CSPP1: variants seen among roughly 807,000 people sequenced by gnomAD.
The protein encoded by CSPP1 is centrosome and spindle pole-associated protein 1.
In CSPP1, 126 loss-of-function variants were observed where a neutral mutation model predicts 164.4. That is an observed-to-expected ratio of 0.77 (90% confidence interval 0.66 to 0.89). The LOEUF (loss-of-function observed/expected upper bound fraction) is 0.89. Among genes scored for constraint, CSPP1 ranks in the 40% least tolerant of loss-of-function variants. The pLI, the probability that CSPP1 is intolerant of heterozygous loss-of-function variation, is 0.00. For synonymous variants in CSPP1, 472 were observed against 476.7 expected (o/e 0.99, Z 0.13); for missense variants, 1,395 against 1,449.8 (o/e 0.96, Z 0.61).
rs532465312 is a variant in CSPP1, at chr8:67,149,081, A to T, written c.1976-702A>T. Among the ~76,000 whole-genome samples the T allele has an allele frequency of 3.9e-5, 6 of 152,158 alleles. No homozygotes were observed. The East Asian group carries it at 9.7e-4, about 25-fold the overall frequency. ...AGGCTTGATGGGGACTGTAAGATTCATTTTCAATATGGCTCCCTCACATGG... is the reference window on the plus strand; with the variant it reads ...AGGCTTGATGGGGACTGTAAGATTCTTTTTCAATATGGCTCCCTCACATGG... On this transcript the variant is annotated intron_variant, in intron 17 of 30. Coordinates refer to ENST00000678616, the MANE Select transcript of CSPP1 (RefSeq NM_001382391.1).
At chr8:67,123,963 G>T (rs1387903829) in intron 15 of CSPP1, among the ~76,000 whole-genome samples, 3 of 144,622 alleles carry the variant, frequency 2.1e-5, no homozygotes, top group African/African-American at 7.8e-5. Flanking sequence ...GCAGTGGTGC[G>T]ATCTCGGCTC....
At chr8:67,188,411 C>T (rs930432306) in intron 28 of CSPP1, among the ~76,000 whole-genome samples, 1 of 152,042 alleles carries the variant, frequency 6.6e-6, no homozygotes, top group Non-Finnish European at 1.5e-5. Flanking sequence ...GTAAAGAGGG[C>T]TCACTAAAAT....
chr8:67,193,541 A>G lies in CSPP1; in HGVS notation c.3408A>G (p.Arg1136=). The part of the protein sequence containing the change: ...SISSVNVDEL[R]VRNEERMRRL... ...CCAGTGTAAATGTTGATGAGCTTAGAGTGAGAAATGAGGAACGAATGCGAA... is the reference window on the plus strand; with the variant it reads ...CCAGTGTAAATGTTGATGAGCTTAGGGTGAGAAATGAGGAACGAATGCGAA... Residue 1136 remains arginine, a synonymous_variant, in exon 30 of 31, where the codon AGA becomes AGG. Transcript: ENST00000678616. The G allele has an allele frequency of 1.2e-6, 2 of 1,613,644 alleles. No individual in the cohort carries two copies. The highest frequency in any genetic ancestry group is 1.7e-6 in the Non-Finnish European group (2 of 1,179,514).
At position 67,115,766 on chromosome 8, in the gene CSPP1, A is replaced by G. The variant is rs1480996052; in HGVS notation, c.1288-148A>G. On this transcript the variant is annotated intron_variant, in intron 12 of 30. Coordinates refer to ENST00000678616, the MANE Select transcript of CSPP1 (RefSeq NM_001382391.1). ...TTATTCAGTAAATAAATAAATAAAA[A>G]TAGATATTCAGAGTCTTTTATAGCT... The G allele has an allele frequency of 1.6e-5, 9 of 557,764 alleles. No homozygotes were observed. The East Asian group carries it at 2.5e-4, about 16-fold the overall frequency. The allele number at this position is 557,764 out of a possible 1,614,324, so 34.6% of individuals were successfully genotyped here. A position where few individuals can be genotyped will look rare whatever the true frequency, so the allele number is the denominator to read the frequency against.
chr8:67,078,796 C>T (rs1808505259), intron 3 of CSPP1, among the ~76,000 whole-genome samples: 1 of 152,094 alleles, frequency 6.6e-6, no homozygotes, highest in Non-Finnish European at 1.5e-5. Flanking sequence ...CATGGTAAAA[C>T]CCCATCTCTA....
intron 8 of CSPP1, among the ~76,000 whole-genome samples, chr8:67,104,449 T>C (rs1296246421): frequency 6.6e-6 from 1 of 151,832 alleles, no homozygotes; most frequent in Non-Finnish European, 1.5e-5. Context: ...AAAATTTTTT[T>C]GTAGAGTCAG....
chr8:67,077,233 TA>T (rs1808130999), intron 3 of CSPP1, among the ~76,000 whole-genome samples: 1 of 151,886 alleles, frequency 6.6e-6, no homozygotes, highest in Non-Finnish European at 1.5e-5. Flanking sequence ...AGTTCAGTGT[TA>T]TCTTGAACTC....
At chr8:67,193,666 A>G (rs1167318452) in intron 30 of CSPP1, 64 bp downstream of exon 30, 4 of 1,437,784 alleles carry the variant, frequency 2.8e-6, no homozygotes, top group East Asian at 2.3e-5. Flanking sequence ...TTTCTTACTC[A>G]AGGCTTTCAC....
intron 4 of CSPP1, among the ~76,000 whole-genome samples, chr8:67,088,266 G>A (rs1810819617): frequency 6.6e-6 from 1 of 151,888 alleles, no homozygotes; most frequent in Non-Finnish European, 1.5e-5. Flanking sequence ...ATGTGAAGGA[G>A]TTTTTTAAGA....
intron 28 of CSPP1, among the ~76,000 whole-genome samples, chr8:67,186,890 A>G (rs1834750132): frequency 6.6e-6 from 1 of 152,198 alleles, no homozygotes; most frequent in African/African-American, 2.4e-5. Context: ...TACAAGTGAA[A>G]TTTGAAATTA....
In CSPP1 at chr8:67,077,170, G is replaced by GTC. The variant is rs141841739; in HGVS notation, c.199+607_199+608dup. On this transcript the variant is annotated intron_variant, in intron 3 of 30. Coordinates refer to ENST00000678616, the MANE Select transcript of CSPP1 (RefSeq NM_001382391.1). ...TTTTTGTTTATTTATTAAAGACAGG[G>GTC]TCTCTCTCTCTCTCTCTCTGTCACT... 7.6e-3 allele frequency among the ~76,000 whole-genome samples: 1,128 copies of GTC among 148,986 alleles called. 3 individuals are homozygous for GTC. Among genetic ancestry groups the GTC allele is most frequent in the Non-Finnish European group, 0.011 (731 of 66,948 alleles).
chr8:67,127,839 T>C (rs891953184), intron 15 of CSPP1, among the ~76,000 whole-genome samples: 3 of 152,242 alleles, frequency 2.0e-5, no homozygotes, highest in Admixed American at 1.3e-4. Context: ...AAACTTGTTA[T>C]AAAAGTTAGA....
rs750443075 is a variant in CSPP1, at chr8:67,175,356, C to T, written c.3029C>T (p.Thr1010Ile). 3 of 1,613,502 alleles carry T rather than the reference C, an allele frequency of 1.9e-6. No individual in the cohort carries two copies. Among genetic ancestry groups the T allele is most frequent in the Non-Finnish European group, 2.5e-6 (3 of 1,179,418 alleles). ...CTGGATCCTCCAAGAGATCATCACA[C>T]CTTAGAGATTCAGCAGCAAGCCCTG... ...MYLDPPRDHH[T>I]LEIQQQALLR... The change falls in exon 26 of 31, where the codon ACC (threonine) becomes ATC (isoleucine). Residue 1010 changes from threonine to isoleucine, a missense_variant. Thr to Ile is a moderately conservative substitution (Grantham distance 89, BLOSUM62 -1). Coordinates refer to ENST00000678616, the MANE Select transcript of CSPP1 (RefSeq NM_001382391.1).
At chr8:67,084,486 T>A (rs149191066) in intron 3 of CSPP1, 1 of 152,218 alleles carries the variant, frequency 6.6e-6, no homozygotes, top group African/African-American at 2.4e-5. Flanking sequence ...TCAGCTACAT[T>A]GTGAGAAATA....
intron 24 of CSPP1, among the ~76,000 whole-genome samples, chr8:67,168,090 C>A (rs1829798130): frequency 6.6e-6 from 1 of 152,326 alleles, no homozygotes; most frequent in South Asian, 2.1e-4. Flanking sequence ...TGGTTAGGAG[C>A]TGGAGACCAG....
intron 17 of CSPP1, among the ~76,000 whole-genome samples, chr8:67,144,259 C>T (rs1824050830): frequency 6.6e-6 from 1 of 152,056 alleles, no homozygotes; most frequent in South Asian, 2.1e-4. Flanking sequence ...ATCTTGCATT[C>T]CTGGGAAAAA....
intron 17 of CSPP1, among the ~76,000 whole-genome samples, chr8:67,147,890 C>T (rs371871672): frequency 6.6e-6 from 1 of 151,888 alleles, no homozygotes; most frequent in East Asian, 1.9e-4. Flanking sequence ...ACAGATTGAT[C>T]TTTAAATCTT....
intron 1 of CSPP1, among the ~76,000 whole-genome samples, chr8:67,072,100 T>C (rs1806916203): frequency 6.6e-6 from 1 of 152,072 alleles, no homozygotes; most frequent in Non-Finnish European, 1.5e-5. Flanking sequence ...GAGACCATCC[T>C]GGCTAACACG....
intron 13 of CSPP1, 130 bp from the exon 14 acceptor site, chr8:67,118,118 G>A: frequency 3.3e-6 from 3 of 920,904 alleles, no homozygotes; most frequent in South Asian, 3.2e-5. Flanking sequence ...AATGATTGGA[G>A]CAAGATGGTG....
Sources: allele counts gnomAD v4.1 joint callset (sites outside exome capture counted in the v4.1 genomes callset), GRCh38; gene constraint gnomAD v4.1.1; transcripts MANE v1.5; gene names NCBI Gene and HGNC (gene_info 2026-07-23, HGNC 2026-07-21).